SNTB2: variants seen among roughly 807,000 people sequenced by gnomAD.
SNTB2 encodes syntrophin beta 2, also known as beta-2-syntrophin.
A neutral mutation model predicts 46.2 loss-of-function variants in SNTB2; 34 were observed. The observed-to-expected ratio is 0.74, with a 90% CI of 0.56 to 0.98. The LOEUF is 0.98. Ranked by LOEUF, SNTB2 falls within the 50% of genes least tolerant of loss-of-function variation. SNTB2 has a pLI of 0.00. For synonymous variants in SNTB2, 290 were observed against 312.6 expected, an observed-to-expected ratio of 0.93 and a Z score of 0.76; for missense variants, 603 against 731.4, an observed-to-expected ratio of 0.82 and a Z score of 2.02.
At chr16:69,238,994 G>A (rs72795255) in intron 1 of SNTB2, among the ~76,000 whole-genome samples, 8,172 of 152,124 alleles carry the variant, frequency 0.054, 248 homozygotes, top group South Asian at 0.074. Flanking sequence ...TCCCAGCCCC[G>A]TTACCTTTGT....
rs148261160 is a variant in SNTB2, at chr16:69,224,697, A to G, written c.581-20905A>G. Reference sequence around the variant, plus strand: ...CACTTACTAATGAGAATTCTTCTGTAAGAAAGAGCTGGCCCTTCTCCTCCA... The same window carrying G: ...CACTTACTAATGAGAATTCTTCTGTGAGAAAGAGCTGGCCCTTCTCCTCCA... On this transcript the variant is annotated intron_variant, in intron 1 of 6. Transcript: ENST00000336278. Among the ~76,000 whole-genome samples, 4 of 152,334 alleles carry G rather than the reference A, an allele frequency of 2.6e-5. No homozygotes were observed. The East Asian group carries it at 7.7e-4, about 29-fold the overall frequency.
At chr16:69,231,859 C>G (rs1267071365) in intron 1 of SNTB2, among the ~76,000 whole-genome samples, 3 of 152,046 alleles carry the variant, frequency 2.0e-5, no homozygotes, top group Non-Finnish European at 4.4e-5. Flanking sequence ...AATTGAGAAG[C>G]TTGCATATTC....
chr16:69,251,226 C>T lies in SNTB2; in HGVS notation c.794+5411C>T, dbSNP rs184714983. ...ATCTGCTGACCTCGTGATCTGCCCG[C>T]CTCGGCCTCCCAAAGTGCTGGGATT... On this transcript the variant is annotated intron_variant, in intron 2 of 6. Transcript: ENST00000336278. Among the ~76,000 whole-genome samples the T allele has an allele frequency of 5.5e-3, 829 of 151,546 alleles. 7 individuals are homozygous for T. The highest frequency in any genetic ancestry group is 9.9e-3 in the Non-Finnish European group (671 of 67,888).
chr16:69,198,901 T>G (rs1008180939), intron 1 of SNTB2, among the ~76,000 whole-genome samples: 4 of 151,104 alleles, frequency 2.6e-5, no homozygotes, highest in African/African-American at 9.7e-5. Flanking sequence ...ATAATGTTTT[T>G]TTTTTTTTTT....
intron 1 of SNTB2, among the ~76,000 whole-genome samples, chr16:69,215,308 C>A (rs1191418589): frequency 2.6e-5 from 4 of 152,006 alleles, no homozygotes; most frequent in Admixed American, 6.6e-5. Context: ...TCCCTTGAGC[C>A]CAGGAATTTG....
intron 4 of SNTB2, among the ~76,000 whole-genome samples, chr16:69,280,513 G>A (rs558157650): frequency 1.5e-4 from 22 of 149,720 alleles, no homozygotes; most frequent in Middle Eastern, 3.6e-3. Flanking sequence ...CCTCCCTCCC[G>A]GATGGGGCGG....
intron 1 of SNTB2, among the ~76,000 whole-genome samples, chr16:69,242,807 G>T (rs1964631054): frequency 6.6e-6 from 1 of 152,142 alleles, no homozygotes; most frequent in South Asian, 2.1e-4. Flanking sequence ...GGATCACGAG[G>T]TCTGGAGATC....
In SNTB2 at chr16:69,245,677, C is replaced by T. The variant is rs374025832; in HGVS notation, c.656C>T (p.Ala219Val). 1 of 1,614,022 alleles carries T rather than the reference C, an allele frequency of 6.2e-7. No homozygotes were observed. The highest frequency in any genetic ancestry group is 1.3e-5 in the African/African-American group (1 of 74,978). Residue 219 changes from alanine (A) to valine (V), a missense_variant, in exon 2 of 7, where the codon GCC becomes GTC. Physicochemically the swap from Ala to Val is moderately conservative, Grantham distance 64. This residue lies in a region of SNTB2 where 537 missense variants were observed against 692.4 expected (regional missense o/e 0.78). Coordinates refer to ENST00000336278, the MANE Select transcript of SNTB2 (RefSeq NM_006750.4). ...TCAGATCTGCCGTGGGAAGGTGCAG[C>T]CCCCCAGTCACCAAGCTTTAGTGGC... ...LVSDLPWEGAAPQSPSFSGSE... is the reference protein window; with the variant it reads ...LVSDLPWEGAVPQSPSFSGSE...
At chr16:69,235,481 T>C (rs1964549691) in intron 1 of SNTB2, among the ~76,000 whole-genome samples, 1 of 152,182 alleles carries the variant, frequency 6.6e-6, no homozygotes, top group South Asian at 2.1e-4. Flanking sequence ...CTTTTCTCTG[T>C]AGTTTCTATA....
At chr16:69,270,035 G>T (rs903775373) in intron 3 of SNTB2, 108 bp from the exon 4 acceptor site, 14 of 1,264,658 alleles carry the variant, frequency 1.1e-5, no homozygotes, top group African/African-American at 1.5e-5. Context: ...AGTCCATCAG[G>T]TTGGGAAAAC....
At chr16:69,286,355 CA>C (rs368048465) in intron 5 of SNTB2, among the ~76,000 whole-genome samples, 5 of 151,924 alleles carry the variant, frequency 3.3e-5, no homozygotes, top group African/African-American at 1.2e-4. Flanking sequence ...GTTTTAAGAC[CA>C]GCCTGAGCAA....
chr16:69,268,161 A>G (rs749491767), intron 3 of SNTB2, among the ~76,000 whole-genome samples: 1 of 152,194 alleles, frequency 6.6e-6, no homozygotes, highest in Non-Finnish European at 1.5e-5. Flanking sequence ...AAGCTGAAAC[A>G]TAAACTTCTA....
chr16:69,270,038 G>T, intron 3 of SNTB2, 105 bp from the exon 4 acceptor site: 1 of 1,317,640 alleles, frequency 7.6e-7, no homozygotes, highest in Non-Finnish European at 1.1e-6. Flanking sequence ...CCATCAGGTT[G>T]GGAAAACAAA....
At chr16:69,236,831 G>C (rs1315940243) in intron 1 of SNTB2, among the ~76,000 whole-genome samples, 4 of 152,180 alleles carry the variant, frequency 2.6e-5, no homozygotes, top group Non-Finnish European at 5.9e-5. Flanking sequence ...TAGGGACAGA[G>C]AGTGGTCTGC....
chr16:69,270,311 T>C, intron 4 of SNTB2, 26 bp downstream of exon 4: 2 of 1,613,176 alleles, frequency 1.2e-6, no homozygotes, highest in South Asian at 2.2e-5. Context: ...GATAAGGAAG[T>C]AAAATATTTA....
chr16:69,281,822 G>A (rs1420427499), intron 4 of SNTB2, among the ~76,000 whole-genome samples: 1 of 150,994 alleles, frequency 6.6e-6, no homozygotes, highest in African/African-American at 2.4e-5. Context: ...CAGCCTGGGC[G>A]AGAAGAGCAA....
In SNTB2 at chr16:69,303,231, A is replaced by G. The variant is rs192387663; in HGVS notation, c.*2307A>G. On this transcript the variant is annotated 3_prime_UTR_variant, in exon 7 of 7. Coordinates refer to ENST00000336278, the MANE Select transcript of SNTB2 (RefSeq NM_006750.4). ...TGAACGTCCAGAAATGATTTCTGGA[A>G]TCAGAATTTCAATATGTAATACCCT... The G allele has an allele frequency of 5.3e-5, 8 of 152,354 alleles. No homozygotes were observed. The highest frequency in any genetic ancestry group is 1.2e-4 in the Non-Finnish European group (8 of 68,034). The allele number at this position is 152,354 out of a possible 1,614,324, so 9.4% of individuals were successfully genotyped here. A position where few individuals can be genotyped will look rare whatever the true frequency, so the allele number is the denominator to read the frequency against.
At chr16:69,288,475 A>G (rs1440629474) in intron 5 of SNTB2, among the ~76,000 whole-genome samples, 1 of 152,196 alleles carries the variant, frequency 6.6e-6, no homozygotes, top group Non-Finnish European at 1.5e-5. Context: ...AAAGCCATAT[A>G]GCTGTATTTT....
At chr16:69,257,947 T>C (rs1964794972) in intron 2 of SNTB2, among the ~76,000 whole-genome samples, 2 of 152,254 alleles carry the variant, frequency 1.3e-5, no homozygotes, top group Non-Finnish European at 2.9e-5. Flanking sequence ...AATAAATGTT[T>C]ATTTAAGAAA....
Sources: allele counts gnomAD v4.1 joint callset (sites outside exome capture counted in the v4.1 genomes callset), GRCh38; gene constraint gnomAD v4.1.1; regional missense constraint gnomAD v4.1.1; transcripts MANE v1.5; gene names NCBI Gene and HGNC (gene_info 2026-07-23, HGNC 2026-07-21).